GSAP: variants seen among roughly 807,000 people sequenced by gnomAD.
GSAP encodes the protein gamma-secretase activating protein.
In GSAP, 118 loss-of-function variants were observed where a neutral mutation model predicts 131.7. That is an observed-to-expected ratio of 0.90 (90% CI 0.77 to 1.04). The LOEUF is 1.04. Among genes scored for constraint, GSAP ranks in the 50% least tolerant of loss-of-function variants. The probability of loss-of-function intolerance (pLI) is 0.00; values close to 1 mark genes in which losing one functional copy is unlikely to be tolerated. For synonymous variants in GSAP, 381 were observed against 363.4 expected (o/e 1.05, Z -0.55); for missense variants, 1,019 against 1,013.2 (o/e 1.01, Z -0.08).
intron 5 of GSAP, among the ~76,000 whole-genome samples, chr7:77,390,182 T>G (rs1432793365): frequency 2.0e-5 from 3 of 152,192 alleles, no homozygotes; most frequent in South Asian, 2.1e-4. Flanking sequence ...TTCTGGATAT[T>G]AGCCCTTTGT....
chr7:77,360,881 T>C lies in GSAP; in HGVS notation c.970A>G (p.Thr324Ala). 1.9e-6 allele frequency: 3 copies of C among 1,601,608 alleles called. No homozygotes were observed. Among genetic ancestry groups the C allele is most frequent in the South Asian group, 2.2e-5 (2 of 90,786 alleles). ...TGTGACCCAACATTCTCAAGAGAAG[T>C]GGTGAAGGTCTTGCTGTGTCCTGCA... is the stretch of plus-strand genomic sequence containing the variant. ...IHKGHSKTFT[T>A]SLENVGSHMT... Residue 324 changes from threonine (T) to alanine (A), a missense_variant, in exon 14 of 31, where the codon ACT becomes GCT. Physicochemically the swap from Thr to Ala is moderately conservative, Grantham distance 58. Coordinates refer to ENST00000257626, the MANE Select transcript of GSAP (RefSeq NM_017439.4).
At chr7:77,337,305 G>GGT (rs142697143) in intron 19 of GSAP, among the ~76,000 whole-genome samples, 19,059 of 143,572 alleles carry the variant, frequency 0.13, 1,720 homozygotes, top group East Asian at 0.41. Flanking sequence ...GTGGGGTGGG[G>GGT]GGGGGGTTAC....
Position 77,353,435 on chromosome 7 carries a change from TAG to T in GSAP, c.1408+135_1408+136del, listed in dbSNP as rs996222204. 11 of 591,744 alleles carry T rather than the reference TAG, an allele frequency of 1.9e-5. No individual in the cohort carries two copies. In the Admixed American group the frequency reaches 2.0e-4, roughly 11 times the overall value. The allele number at this position is 591,744 out of a possible 1,614,324, so 36.7% of individuals were successfully genotyped here. A position where few individuals can be genotyped will look rare whatever the true frequency, so the allele number is the denominator to read the frequency against. ...AAATTTAATTAGCTGCTGACTCCGA[TAG>T]AGTTTTGTTTTTTTTTTTTAATGTG... On this transcript the variant is annotated intron_variant, in intron 17 of 30. Coordinates refer to ENST00000257626, the MANE Select transcript of GSAP (RefSeq NM_017439.4).
chr7:77,362,698 T>G (rs1794716325), intron 12 of GSAP, 38 bp from the exon 13 acceptor site: 1 of 1,166,454 alleles, frequency 8.6e-7, no homozygotes, highest in East Asian at 2.3e-5. Flanking sequence ...TTTAACAGAA[T>G]CTATGTCATA....
chr7:77,335,985 A>T (rs1270583672), intron 19 of GSAP, among the ~76,000 whole-genome samples: 1 of 152,226 alleles, frequency 6.6e-6, no homozygotes, highest in East Asian at 1.9e-4. Context: ...CTAAACTAAG[A>T]TGCTCTAAAC....
At chr7:77,401,590 G>A (rs1801322231) in intron 3 of GSAP, among the ~76,000 whole-genome samples, 1 of 151,992 alleles carries the variant, frequency 6.6e-6, no homozygotes, top group African/African-American at 2.4e-5. Flanking sequence ...TAAAAAAAAT[G>A]GTTAAAAAAA....
chr7:77,339,896 C>A (rs530839839), intron 19 of GSAP, among the ~76,000 whole-genome samples: 1 of 152,170 alleles, frequency 6.6e-6, no homozygotes, highest in African/African-American at 2.4e-5. Flanking sequence ...TATAGTAAAA[C>A]GGGTAAACTC....
intron 26 of GSAP, among the ~76,000 whole-genome samples, chr7:77,316,966 C>T (rs1473200303): frequency 1.3e-5 from 2 of 152,154 alleles, no homozygotes; most frequent in Non-Finnish European, 2.9e-5. Flanking sequence ...TTAACCAATT[C>T]ATGTTACAAG....
chr7:77,383,758 G>T (rs2151049930), intron 6 of GSAP, among the ~76,000 whole-genome samples: 1 of 152,268 alleles, frequency 6.6e-6, no homozygotes, highest in East Asian at 1.9e-4. Flanking sequence ...AAAGACCCGT[G>T]AATTTTGTTC....
At chr7:77,368,318 AC>A (rs1795610481) in intron 12 of GSAP, among the ~76,000 whole-genome samples, 2 of 151,974 alleles carry the variant, frequency 1.3e-5, no homozygotes, top group Non-Finnish European at 2.9e-5. Context: ...TGAGAGTGGC[AC>A]TTACGCTTCC....
chr7:77,313,868 T>C (rs1328202511), intron 27 of GSAP, among the ~76,000 whole-genome samples: 1 of 152,362 alleles, frequency 6.6e-6, no homozygotes, highest in South Asian at 2.1e-4. Context: ...TACTACAGAA[T>C]TTAAAGTTCA....
At chr7:77,411,022 T>C (rs1322209475) in intron 1 of GSAP, among the ~76,000 whole-genome samples, 3 of 137,002 alleles carry the variant, frequency 2.2e-5, no homozygotes, top group Non-Finnish European at 4.5e-5. Context: ...AAGAGAGAGA[T>C]GAGAATTAGA....
chr7:77,394,576 T>C lies in GSAP; in HGVS notation c.367+2406A>G, dbSNP rs532298615. On this transcript the variant is annotated intron_variant, in intron 5 of 30. Coordinates refer to ENST00000257626, the MANE Select transcript of GSAP (RefSeq NM_017439.4). ...CTCAGGGAGCAATATAACTCTAGGATCACTCTAGCCAGCATTGGCATAAGA... is the reference window on the plus strand; with the variant it reads ...CTCAGGGAGCAATATAACTCTAGGACCACTCTAGCCAGCATTGGCATAAGA... Among the ~76,000 whole-genome samples the C allele has an allele frequency of 3.9e-5, 6 of 152,214 alleles. 1 individual carries two copies. In the South Asian group the frequency reaches 1.2e-3, roughly 32 times the overall value.
At position 77,339,748 on chromosome 7, in the gene GSAP, G is replaced by A. The variant is rs756596996; in HGVS notation, c.1546-9381C>T. Among the ~76,000 whole-genome samples the A allele has an allele frequency of 2.2e-4, 33 of 151,700 alleles. 1 individual carries two copies. The highest frequency in any genetic ancestry group is 2.5e-4 in the Non-Finnish European group (17 of 67,914). ...ACACACAGAAAACAAACAAGCCAGTGCAAAAAAGAAGCGACTTTGTTCCTA... is the reference window on the plus strand; with the variant it reads ...ACACACAGAAAACAAACAAGCCAGTACAAAAAAGAAGCGACTTTGTTCCTA... On this transcript the variant is annotated intron_variant, in intron 19 of 30. Transcript: ENST00000257626.
At position 77,416,263 on chromosome 7, in the gene GSAP, C is replaced by A. The variant is rs1175482134; in HGVS notation, c.59G>T (p.Arg20Leu). The change falls in exon 1 of 31, where the codon CGG (arginine) becomes CTG (leucine). Residue 20 changes from arginine to leucine, a missense_variant. Arg to Leu is a moderately radical substitution (Grantham distance 102). Transcript: ENST00000257626. ...DLGKDVLPWL[R>L]AQRAVSEASG... is the part of the protein sequence containing the mutation. ...GGCCTCCGACACTGCCCGCTGCGCCCGCAACCACGGGAGCACGTCCTTCCC... is the reference window on the plus strand; with the variant it reads ...GGCCTCCGACACTGCCCGCTGCGCCAGCAACCACGGGAGCACGTCCTTCCC... 2 of 1,495,408 alleles carry A rather than the reference C, an allele frequency of 1.3e-6. No homozygotes were observed. The highest frequency in any genetic ancestry group is 1.8e-6 in the Non-Finnish European group (2 of 1,124,456). 92.6% of individuals were successfully genotyped at this position (1,495,408 alleles called of 1,614,324 possible). A position where few individuals can be genotyped will look rare whatever the true frequency, so the allele number is the denominator to read the frequency against.
intron 12 of GSAP, among the ~76,000 whole-genome samples, chr7:77,370,811 T>C (rs1164313529): frequency 6.6e-6 from 1 of 152,110 alleles, no homozygotes; most frequent in Non-Finnish European, 1.5e-5. Flanking sequence ...CTCATAGTAA[T>C]CTTCATGCTA....
At chr7:77,409,693 A>G (rs977137588) in intron 1 of GSAP, among the ~76,000 whole-genome samples, 1 of 152,248 alleles carries the variant, frequency 6.6e-6, no homozygotes, top group African/African-American at 2.4e-5. Context: ...TTTCAAGATT[A>G]TAAGTATGCG....
chr7:77,351,161 T>C, intron 18 of GSAP: 1 of 980,832 alleles, frequency 1.0e-6, no homozygotes, highest in Non-Finnish European at 1.2e-6. Context: ...AGTTCTTCAA[T>C]GTGACAGTTG....
chr7:77,325,040 T>C (rs1299421728), intron 23 of GSAP, among the ~76,000 whole-genome samples: 1 of 152,094 alleles, frequency 6.6e-6, no homozygotes, highest in African/African-American at 2.4e-5. Context: ...GGTCTCGAAC[T>C]CCTGACCTCA....
Sources: allele counts gnomAD v4.1 joint callset (sites outside exome capture counted in the v4.1 genomes callset), GRCh38; gene constraint gnomAD v4.1.1; transcripts MANE v1.5; gene names NCBI Gene and HGNC (gene_info 2026-07-23, HGNC 2026-07-21).